Variants in TLR2 observed in about 807,000 individuals in gnomAD.
The protein encoded by TLR2 is toll like receptor 2.
TLR2 carries 7 observed loss-of-function variants against 9.1 expected under a neutral mutation model. That is an observed-to-expected ratio of 0.77 (90% confidence interval 0.44 to 1.44). TLR2 has a LOEUF of 1.44. Among genes scored for constraint, TLR2 ranks in the 40% most tolerant of loss-of-function variants. The probability of loss-of-function intolerance (pLI) is 0.01; values close to 1 mark genes in which losing one functional copy is unlikely to be tolerated. For synonymous variants in TLR2, 317 were observed against 344.6 expected, an observed-to-expected ratio of 0.92 and a Z score of 0.89; for missense variants, 812 against 904.6, an observed-to-expected ratio of 0.90 and a Z score of 1.31.
intron 2 of TLR2, among the ~76,000 whole-genome samples, chr4:153,693,814 AT>A (rs1288254803): frequency 1.3e-5 from 2 of 152,122 alleles, no homozygotes; most frequent in Admixed American, 6.5e-5. Context: ...CACCATGGGG[AT>A]TGCTTAAGAG....
intron 2 of TLR2, among the ~76,000 whole-genome samples, chr4:153,698,383 T>C (rs1184772143): frequency 6.6e-6 from 1 of 152,194 alleles, no homozygotes; most frequent in Non-Finnish European, 1.5e-5. Flanking sequence ...AAATTATCTA[T>C]GATAACCTAT....
intron 2 of TLR2, among the ~76,000 whole-genome samples, chr4:153,693,518 G>A (rs918825935): frequency 2.6e-5 from 4 of 152,140 alleles, no homozygotes; most frequent in Non-Finnish European, 2.9e-5. Context: ...CAGTCACTGG[G>A]GCGACTACTT....
chr4:153,704,012 GA>G lies in TLR2; in HGVS notation c.1109del (p.Asn370IlefsTer2). On this transcript the variant is annotated frameshift_variant, in exon 3 of 3. Transcript: ENST00000642700. LOFTEE classifies it low-confidence loss of function (END_TRUNC). ...ATCATTAGAATACTTGGATCTCAGT[GA>G]AAATTTGATGGTTGAAGAATACTTG... ...LKSLEYLDLS[E>X]NLMVEEYLKN... is the part of the protein sequence containing the mutation. 1 of 1,613,986 alleles carries G rather than the reference GA, an allele frequency of 6.2e-7. No individual in the cohort carries two copies. The highest frequency in any genetic ancestry group is 8.5e-7 in the Non-Finnish European group (1 of 1,179,992).
At chr4:153,708,686 C>T (rs10034134), downstream of TLR2, among the ~76,000 whole-genome samples, 2 of 152,016 alleles carry the variant, frequency 1.3e-5, no homozygotes, top group Non-Finnish European at 2.9e-5. Flanking sequence ...AGGTCCAGCA[C>T]AGAAGCCTTT....
chr4:153,709,039 T>C (rs1737422742), downstream of TLR2, among the ~76,000 whole-genome samples: 1 of 152,134 alleles, frequency 6.6e-6, no homozygotes, highest in Non-Finnish European at 1.5e-5. Flanking sequence ...TTCTTTCACT[T>C]ACTAAACTTT....
At position 153,688,966 on chromosome 4, in the gene TLR2, A is replaced by G. The variant is rs533936172; in HGVS notation, c.-17+919A>G. On this transcript the variant is annotated intron_variant, in intron 2 of 2. Transcript: ENST00000642700. ...TGCAGGAGTCGGGATTCGCATATGC[A>G]TACTATACAAAGACAAACAACACAG... Among the ~76,000 whole-genome samples, 5 of 152,346 alleles carry G rather than the reference A, an allele frequency of 3.3e-5. No homozygotes were observed. In the South Asian group the frequency reaches 6.2e-4, roughly 19 times the overall value.
At chr4:153,707,563 GAAACA>G (rs1043518594), downstream of TLR2, among the ~76,000 whole-genome samples, 3 of 151,922 alleles carry the variant, frequency 2.0e-5, no homozygotes, top group African/African-American at 7.3e-5. Context: ...AAAACAAAAT[GAAACA>G]AAACAAACGA....
At position 153,703,618 on chromosome 4, in the gene TLR2, C is replaced by T. The variant is rs752256290; in HGVS notation, c.711C>T (p.Phe237=). 2.5e-6 allele frequency: 4 copies of T among 1,613,924 alleles called. No individual in the cohort carries two copies. The highest frequency in any genetic ancestry group is 2.2e-5 in the South Asian group (2 of 91,030). ...LELRDTDLDT[F]HFSELSTGET... ...TGCGAGATACTGATTTGGACACTTT[C>T]CATTTTTCAGAACTATCCACTGGTG... The change falls in exon 3 of 3, where the codon TTC becomes TTT. Residue 237 remains phenylalanine, a synonymous_variant. Coordinates refer to ENST00000642700, the MANE Select transcript of TLR2 (RefSeq NM_001318789.2).
intron 2 of TLR2, among the ~76,000 whole-genome samples, chr4:153,691,323 A>G (rs1476490623): frequency 2.6e-5 from 4 of 151,782 alleles, no homozygotes; most frequent in African/African-American, 4.9e-5. Context: ...TATTTATAGA[A>G]GCTTGCTGTA....
Position 153,693,830 on chromosome 4 carries a change from C to T in TLR2, c.-17+5783C>T, listed in dbSNP as rs955369511. Reference sequence around the variant, plus strand: ...ACCATGGGGATTGCTTAAGAGTACTCGGGTATCCTCCAGCTTTGTTCCACG... The same window carrying T: ...ACCATGGGGATTGCTTAAGAGTACTTGGGTATCCTCCAGCTTTGTTCCACG... On this transcript the variant is annotated intron_variant, in intron 2 of 2. Coordinates refer to ENST00000642700, the MANE Select transcript of TLR2 (RefSeq NM_001318789.2). Among the ~76,000 whole-genome samples the T allele has an allele frequency of 5.9e-5, 9 of 152,178 alleles. No individual in the cohort carries two copies. In the East Asian group the frequency reaches 7.7e-4, roughly 13 times the overall value.
In TLR2 at chr4:153,704,856, G is replaced by C; in HGVS notation, c.1949G>C (p.Arg650Pro). The change falls in exon 3 of 3, where the codon CGG becomes CCG. Residue 650 changes from arginine to proline, a missense_variant. Coordinates refer to ENST00000642700, the MANE Select transcript of TLR2 (RefSeq NM_001318789.2). ...GATGCATTTGTTTCTTACAGTGAGC[G>C]GGATGCCTACTGGGTGGAGAACCTT... is the stretch of plus-strand genomic sequence containing the variant. ...CYDAFVSYSE[R>P]DAYWVENLMV... 3 of 1,613,950 alleles carry C rather than the reference G, an allele frequency of 1.9e-6. No individual in the cohort carries two copies. The highest frequency in any genetic ancestry group is 2.5e-6 in the Non-Finnish European group (3 of 1,180,016).
chr4:153,694,630 C>T (rs566497273), intron 2 of TLR2, among the ~76,000 whole-genome samples: 69 of 152,280 alleles, frequency 4.5e-4, no homozygotes, highest in African/African-American at 1.5e-3. Context: ...AATAACATCA[C>T]GGTAAAAGGG....
At position 153,704,697 on chromosome 4, in the gene TLR2, C is replaced by A; in HGVS notation, c.1790C>A (p.Ala597Asp). 1 of 1,613,832 alleles carries A rather than the reference C, an allele frequency of 6.2e-7. No homozygotes were observed. Among genetic ancestry groups the A allele is most frequent in the South Asian group, 1.1e-5 (1 of 91,056 alleles). The change falls in exon 3 of 3, where the codon GCT becomes GAT. Residue 597 changes from alanine (A) to aspartate (D), a missense_variant. By Grantham distance (126) the Ala-to-Asp change is moderately radical. Coordinates refer to ENST00000642700, the MANE Select transcript of TLR2 (RefSeq NM_001318789.2). ...RTALVSGMCCALFLLILLTGV... is the reference protein window; with the variant it reads ...RTALVSGMCCDLFLLILLTGV... ...GCACTGGTGTCTGGCATGTGCTGTG[C>A]TCTGTTCCTGCTGATCCTGCTCACG...
chr4:153,694,837 C>T (rs1001935098), intron 2 of TLR2, among the ~76,000 whole-genome samples: 1 of 152,176 alleles, frequency 6.6e-6, no homozygotes, highest in Non-Finnish European at 1.5e-5. Context: ...ACTACACTTC[C>T]CAGCCTCTGT....
intron 2 of TLR2, among the ~76,000 whole-genome samples, chr4:153,690,728 C>T (rs762133452): frequency 7.9e-5 from 12 of 152,212 alleles, no homozygotes; most frequent in Admixed American, 2.6e-4. Flanking sequence ...TTTCCAGGTA[C>T]TGTTATATCT....
chr4:153,697,809 T>C (rs1310657757), intron 2 of TLR2, among the ~76,000 whole-genome samples: 4 of 152,200 alleles, frequency 2.6e-5, no homozygotes, highest in African/African-American at 9.6e-5. Flanking sequence ...TGTATGGGTA[T>C]GTTATTAATA....
rs373508777 is a variant in TLR2 at position 153,705,313 on chromosome 4, A to G, written c.*51A>G. The stretch of plus-strand genomic sequence containing the variant: ...GTCTAGTTGGGATCTTTATGTCACT[A>G]GTTATAGTTAAGTTCATTCAGACAT... On this transcript the variant is annotated 3_prime_UTR_variant, in exon 3 of 3. Coordinates refer to ENST00000642700, the MANE Select transcript of TLR2 (RefSeq NM_001318789.2). The G allele has an allele frequency of 9.3e-5, 139 of 1,489,000 alleles. 1 individual carries two copies. The African/African-American group carries it at 1.7e-3, about 19-fold the overall frequency. The allele number at this position is 1,489,000 out of a possible 1,614,324, so 92.2% of individuals were successfully genotyped here.
downstream of TLR2, among the ~76,000 whole-genome samples, chr4:153,707,779 T>TA (rs1737379652): frequency 6.6e-6 from 1 of 151,634 alleles, no homozygotes; most frequent in Non-Finnish European, 1.5e-5. Flanking sequence ...AAATAATATT[T>TA]AAAAAATAAT....
At chr4:153,692,129 C>T (rs1354700787) in intron 2 of TLR2, among the ~76,000 whole-genome samples, 1 of 152,096 alleles carries the variant, frequency 6.6e-6, no homozygotes, top group Non-Finnish European at 1.5e-5. Flanking sequence ...TTTTTTACTG[C>T]AGGAATTGTA....
Sources: gnomAD v4.1 joint callset for allele counts (sites outside exome capture counted in the v4.1 genomes callset) on GRCh38, gnomAD v4.1.1 for gene constraint, MANE v1.5 for transcripts, NCBI Gene and HGNC (gene_info 2026-07-23, HGNC 2026-07-21) for gene names.